SIL1: variants seen among roughly 807,000 people sequenced by gnomAD.
SIL1 encodes nucleotide exchange factor SIL1.
A neutral mutation model predicts 49.1 loss-of-function variants in SIL1; 40 were observed. The ratio of observed to expected loss-of-function variants is 0.81; its 90% CI spans 0.63 to 1.06. The LOEUF (loss-of-function observed/expected upper bound fraction) is 1.06, where lower values mean the gene tolerates loss of function less well. SIL1 is among the 50% of genes least tolerant of loss of function. SIL1 has a pLI of 0.00. For synonymous variants in SIL1, 253 were observed against 250.8 expected (o/e 1.01, Z -0.08); for missense variants, 500 against 572.6 (o/e 0.87, Z 1.29).
intron 1 of SIL1, chr5:139,137,394 C>T (rs1235307280): frequency 4.3e-6 from 3 of 701,866 alleles, no homozygotes; most frequent in Admixed American, 4.0e-5. Context: ...GCCCCAAAGC[C>T]ATGCTCTTTC....
intron 1 of SIL1, among the ~76,000 whole-genome samples, chr5:139,184,822 T>C (rs962342213): frequency 1.3e-5 from 2 of 152,158 alleles, no homozygotes; most frequent in Non-Finnish European, 2.9e-5. Context: ...AGGACATTTC[T>C]AGGGAGCAGA....
intron 3 of SIL1, among the ~76,000 whole-genome samples, chr5:139,110,169 GAA>G (rs60336598): frequency 4.2e-5 from 5 of 119,680 alleles, no homozygotes; most frequent in Admixed American, 8.8e-5. Context: ...ACTCTGTCTC[GAA>G]AAAAAAAAAA....
At chr5:139,173,880 A>G (rs1751827441) in intron 1 of SIL1, among the ~76,000 whole-genome samples, 1 of 151,158 alleles carries the variant, frequency 6.6e-6, no homozygotes, top group Non-Finnish European at 1.5e-5. Context: ...AATGACGTGA[A>G]CCCAGGAGGC....
At chr5:138,988,743 C>T (rs564270245) in intron 7 of SIL1, among the ~76,000 whole-genome samples, 175 of 152,194 alleles carry the variant, frequency 1.1e-3, no homozygotes, top group African/African-American at 3.9e-3. Flanking sequence ...CATGGTGGTA[C>T]GTACCTGTGG....
intron 7 of SIL1, among the ~76,000 whole-genome samples, chr5:139,008,342 T>A (rs1768170541): frequency 6.9e-6 from 1 of 145,082 alleles, no homozygotes; most frequent in Non-Finnish European, 1.5e-5. Flanking sequence ...TCTATTTGAT[T>A]CTTCTCTCTT....
chr5:139,072,092 A>T (rs543613432), intron 3 of SIL1, among the ~76,000 whole-genome samples: 1 of 152,322 alleles, frequency 6.6e-6, no homozygotes, highest in African/African-American at 2.4e-5. Context: ...TAAAAGTATA[A>T]AACTGTGGCA....
chr5:139,052,738 G>A (rs1046888394), intron 3 of SIL1, among the ~76,000 whole-genome samples: 21 of 152,050 alleles, frequency 1.4e-4, no homozygotes, highest in African/African-American at 4.8e-4. Context: ...TGGCCCTCCT[G>A]ATAAAGTTGG....
chr5:139,141,747 G>A (rs1751084893), intron 1 of SIL1, among the ~76,000 whole-genome samples: 1 of 152,208 alleles, frequency 6.6e-6, no homozygotes. Context: ...GGAAAGAAGT[G>A]TGTGTGGCCA....
intron 5 of SIL1, among the ~76,000 whole-genome samples, chr5:139,030,332 C>T (rs904187377): frequency 1.3e-5 from 2 of 151,800 alleles, no homozygotes; most frequent in African/African-American, 2.4e-5. Flanking sequence ...GCTAAAAATA[C>T]AAAAATGACC....
intron 3 of SIL1, among the ~76,000 whole-genome samples, chr5:139,055,963 T>A (rs1769408374): frequency 6.6e-6 from 1 of 152,008 alleles, no homozygotes; most frequent in Admixed American, 6.5e-5. Context: ...AGAGTCTCCT[T>A]CACTCAGTGC....
intron 3 of SIL1, among the ~76,000 whole-genome samples, chr5:139,059,420 CT>C (rs1769534913): frequency 6.6e-6 from 1 of 152,200 alleles, no homozygotes; most frequent in Admixed American, 6.5e-5. Flanking sequence ...AACCTCTTTC[CT>C]TTATAAATTA....
chr5:138,974,199 C>T (rs564515818), intron 7 of SIL1, among the ~76,000 whole-genome samples: 41 of 152,296 alleles, frequency 2.7e-4, no homozygotes, highest in Admixed American at 1.5e-3. Context: ...GCAACGGGGT[C>T]TCTCTCTACA....
chr5:139,012,366 T>C (rs1181967348), intron 7 of SIL1: 4 of 152,156 alleles, frequency 2.6e-5, no homozygotes, highest in Admixed American at 6.6e-5. Context: ...CCTGATCTCA[T>C]CTGATCTTGG....
intron 3 of SIL1, among the ~76,000 whole-genome samples, chr5:139,055,884 G>T (rs1172072108): frequency 6.6e-6 from 1 of 151,982 alleles, no homozygotes. Flanking sequence ...TGTTGGCCGG[G>T]CCAGTCTCCA....
intron 7 of SIL1, among the ~76,000 whole-genome samples, chr5:138,961,594 C>T (rs762813187): frequency 2.6e-5 from 4 of 151,890 alleles, no homozygotes; most frequent in Non-Finnish European, 4.4e-5. Flanking sequence ...CAGGTCTCAC[C>T]CATCTGGTGC....
intron 3 of SIL1, among the ~76,000 whole-genome samples, chr5:139,069,439 A>G (rs376949397): frequency 2.6e-5 from 4 of 152,298 alleles, no homozygotes; most frequent in Non-Finnish European, 4.4e-5. Context: ...TGGAAAAAGT[A>G]AGGTTTGTAA....
chr5:139,120,790 G>T (rs1014393942), intron 3 of SIL1, among the ~76,000 whole-genome samples: 6 of 152,180 alleles, frequency 3.9e-5, no homozygotes, highest in African/African-American at 1.4e-4. Context: ...TCAATCACTT[G>T]CTCAGAAACC....
At chr5:139,042,563 G>T in intron 5 of SIL1, 57 bp downstream of exon 5, 1 of 1,421,308 alleles carries the variant, frequency 7.0e-7, no homozygotes, top group Non-Finnish European at 1.0e-6. Context: ...TCCATTCTCT[G>T]CAAAGACAAC....
intron 7 of SIL1, 57 bp downstream of exon 7, chr5:139,021,114 T>C: frequency 1.2e-6 from 2 of 1,612,912 alleles, no homozygotes; most frequent in Non-Finnish European, 1.7e-6. Context: ...GTACCCTTCT[T>C]CCAAGCAGAT....
Sources: gnomAD v4.1 joint callset for allele counts (sites outside exome capture counted in the v4.1 genomes callset) on GRCh38, gnomAD v4.1.1 for gene constraint, MANE v1.5 for transcripts, NCBI Gene and HGNC (gene_info 2026-07-23, HGNC 2026-07-21) for gene names.